Variants in RBFOX1 observed in about 807,000 individuals in gnomAD.
RBFOX1 encodes the protein RNA binding protein fox-1 homolog 1.
A neutral mutation model predicts 57.7 loss-of-function variants in RBFOX1; 8 were observed. That is an observed-to-expected ratio of 0.14 (90% confidence interval 0.08 to 0.25). The LOEUF (loss-of-function observed/expected upper bound fraction) is 0.25, where lower values mean the gene tolerates loss of function less well. Among genes scored for constraint, RBFOX1 ranks in the 10% least tolerant of loss-of-function variants. The probability of loss-of-function intolerance (pLI) is 1.00; values close to 1 mark genes in which losing one functional copy is unlikely to be tolerated. For missense variants in RBFOX1, 611 were observed against 548.5 expected, an observed-to-expected ratio of 1.11 and a Z score of -1.14; for synonymous variants, 326 against 222.4, an observed-to-expected ratio of 1.47 and a Z score of -4.15.
At chr16:6,685,302 G>A (rs1213035523) in intron 3 of RBFOX1, among the ~76,000 whole-genome samples, 1 of 133,722 alleles carries the variant, frequency 7.5e-6, no homozygotes, top group African/African-American at 2.8e-5. Flanking sequence ...TTGAGATGGA[G>A]TCTCACCCTG....
At chr16:6,080,039 C>G (rs931693897) in intron 1 of RBFOX1, among the ~76,000 whole-genome samples, 2 of 152,084 alleles carry the variant, frequency 1.3e-5, no homozygotes, top group Non-Finnish European at 2.9e-5. Context: ...GAATTTAAGT[C>G]TGGTAATGCT....
chr16:6,822,554 C>T lies in RBFOX1; in HGVS notation c.-16+167904C>T, dbSNP rs147334430. Among the ~76,000 whole-genome samples, 362 of 152,310 alleles carry T rather than the reference C, an allele frequency of 2.4e-3. 1 individual carries two copies. The highest frequency in any genetic ancestry group is 7.9e-3 in the African/African-American group (328 of 41,564). On this transcript the variant is annotated intron_variant, in intron 3 of 15. Transcript: ENST00000550418. ...TGGCTAGAGATAAAACATGTCTTGC[C>T]GTGCACAGTGAGCTCTTCGCCGTGC... is the stretch of plus-strand genomic sequence containing the variant.
chr16:6,848,725 T>C (rs1686871546), intron 3 of RBFOX1, among the ~76,000 whole-genome samples: 2 of 152,076 alleles, frequency 1.3e-5, no homozygotes, highest in Admixed American at 1.3e-4. Flanking sequence ...GGATAATCTT[T>C]AACGTTCAGT....
At chr16:5,702,221 C>CCGG (rs1567417918) in intron 3 of RBFOX1, among the ~76,000 whole-genome samples, 1 of 152,166 alleles carries the variant, frequency 6.6e-6, no homozygotes, top group African/African-American at 2.4e-5. Context: ...TGGGAGACCT[C>CCGG]AGGAAACTTA....
chr16:5,960,687 G>T (rs2059729893), intron 4 of RBFOX1, among the ~76,000 whole-genome samples: 1 of 152,150 alleles, frequency 6.6e-6, no homozygotes, highest in Non-Finnish European at 1.5e-5. Flanking sequence ...TTCCCTGAAA[G>T]AGTTTTCAAC....
At chr16:7,479,389 C>G (rs2063426124) in intron 4 of RBFOX1, among the ~76,000 whole-genome samples, 1 of 152,072 alleles carries the variant, frequency 6.6e-6, no homozygotes, top group Non-Finnish European at 1.5e-5. Flanking sequence ...CTTGGCCTCC[C>G]AAAGTGCTGG....
intron 4 of RBFOX1, among the ~76,000 whole-genome samples, chr16:7,062,317 C>CAAAAAAAAAAAAA (rs57989614): frequency 7.7e-4 from 50 of 65,274 alleles, no homozygotes; most frequent in Non-Finnish European, 9.7e-4. Flanking sequence ...GACTCCATCT[C>CAAAAAAAAAAAAA]AAAAAAAAAA....
chr16:6,787,812 A>G (rs1037152841), intron 3 of RBFOX1, among the ~76,000 whole-genome samples: 1 of 152,228 alleles, frequency 6.6e-6, no homozygotes, highest in Non-Finnish European at 1.5e-5. Context: ...AACTTAATCC[A>G]CGTCTACTGA....
intron 1 of RBFOX1, among the ~76,000 whole-genome samples, chr16:6,105,104 C>T (rs1458874528): frequency 1.3e-5 from 2 of 152,110 alleles, no homozygotes; most frequent in Admixed American, 1.3e-4. Flanking sequence ...TTGCCAGAGC[C>T]ATATTAAAAA....
At chr16:5,979,959 A>G (rs1432419550) in intron 4 of RBFOX1, among the ~76,000 whole-genome samples, 3 of 152,154 alleles carry the variant, frequency 2.0e-5, no homozygotes, top group Admixed American at 1.3e-4. Context: ...CTGGGATTTG[A>G]ACCCAGACAG....
At chr16:6,247,058 G>A (rs1422569856) in intron 1 of RBFOX1, among the ~76,000 whole-genome samples, 1 of 152,102 alleles carries the variant, frequency 6.6e-6, no homozygotes, top group Non-Finnish European at 1.5e-5. Flanking sequence ...CAACAAGAGT[G>A]GAACTCCATC....
intron 4 of RBFOX1, among the ~76,000 whole-genome samples, chr16:7,309,118 G>A (rs1255978457): frequency 6.6e-6 from 1 of 152,226 alleles, no homozygotes; most frequent in Non-Finnish European, 1.5e-5. Flanking sequence ...CCAGGTGGCT[G>A]CCTGATAGAA....
chr16:6,376,679 C>A (rs964893021), intron 2 of RBFOX1, among the ~76,000 whole-genome samples: 1 of 152,124 alleles, frequency 6.6e-6, no homozygotes, highest in Non-Finnish European at 1.5e-5. Flanking sequence ...TTTCATGACT[C>A]CTGTGTTAGC....
intron 3 of RBFOX1, among the ~76,000 whole-genome samples, chr16:5,664,662 A>G (rs1036607200): frequency 6.6e-6 from 1 of 152,164 alleles, no homozygotes; most frequent in Admixed American, 6.5e-5. Flanking sequence ...GAATCTGTCC[A>G]TTTGTCCTAG....
chr16:5,847,007 C>T (rs1212019363), intron 3 of RBFOX1, among the ~76,000 whole-genome samples: 2 of 152,130 alleles, frequency 1.3e-5, no homozygotes, highest in Non-Finnish European at 2.9e-5. Flanking sequence ...TTAGCTAGAT[C>T]CCAAGAGGAG....
At chr16:6,766,780 C>A (rs1307548990) in intron 3 of RBFOX1, among the ~76,000 whole-genome samples, 1 of 152,082 alleles carries the variant, frequency 6.6e-6, no homozygotes, top group Non-Finnish European at 1.5e-5. Flanking sequence ...TGATGGTCTT[C>A]ATATGGGCTT....
At chr16:6,608,508 C>G (rs915678463) in intron 2 of RBFOX1, among the ~76,000 whole-genome samples, 2 of 152,132 alleles carry the variant, frequency 1.3e-5, no homozygotes, top group Non-Finnish European at 2.9e-5. Flanking sequence ...ACAGAAATTG[C>G]CCAGGTATGG....
chr16:6,987,012 C>A (rs963614711), intron 3 of RBFOX1, among the ~76,000 whole-genome samples: 1 of 152,092 alleles, frequency 6.6e-6, no homozygotes, highest in East Asian at 1.9e-4. Context: ...TTAGTCCATT[C>A]TGAGTGGAAT....
chr16:7,475,018 A>T (rs139095817), intron 4 of RBFOX1, among the ~76,000 whole-genome samples: 1 of 152,166 alleles, frequency 6.6e-6, no homozygotes, highest in African/African-American at 2.4e-5. Flanking sequence ...GTTCCACACA[A>T]TCCAGCTGTT....
Sources: allele counts gnomAD v4.1 joint callset (sites outside exome capture counted in the v4.1 genomes callset), GRCh38; gene constraint gnomAD v4.1.1; transcripts MANE v1.5; gene names NCBI Gene and HGNC (gene_info 2026-07-23, HGNC 2026-07-21).